The following SESTD1 variants were observed in gnomAD, a reference collection of about 807,000 sequenced individuals.
SESTD1 encodes SEC14 and spectrin domain containing 1.
A neutral mutation model predicts 101.7 loss-of-function variants in SESTD1; 43 were observed. The ratio of observed to expected loss-of-function variants is 0.42; its 90% CI spans 0.33 to 0.55. The LOEUF is 0.55. Among genes scored for constraint, SESTD1 ranks in the 20% least tolerant of loss-of-function variants. SESTD1 has a pLI of 0.07. For missense variants in SESTD1, 647 were observed against 815.1 expected, an observed-to-expected ratio of 0.79 and a Z score of 2.51; for synonymous variants, 283 against 286.8, an observed-to-expected ratio of 0.99 and a Z score of 0.13.
At chr2:179,245,255 G>A (rs147030877) in intron 1 of SESTD1, among the ~76,000 whole-genome samples, 1,907 of 152,110 alleles carry the variant, frequency 0.013, 14 homozygotes, top group Middle Eastern at 0.038. Flanking sequence ...GTTGGCTCAC[G>A]CCTGTAATCC....
At chr2:179,210,480 AC>A (rs1190547555) in intron 1 of SESTD1, among the ~76,000 whole-genome samples, 1 of 135,240 alleles carries the variant, frequency 7.4e-6, no homozygotes, top group Non-Finnish European at 1.6e-5. Context: ...AAGATAATAC[AC>A]CATGACCAAG....
rs1424940483 is a variant in SESTD1 at position 179,143,454 on chromosome 2, ATAATT to A, written c.849+133_849+137del. Reference sequence around the variant, plus strand: ...TCAAATACTATTTGTAAAACAATACATAATTTAAAAGTTTTAGAATCCAGTTTGAT... The same window carrying A: ...TCAAATACTATTTGTAAAACAATACATAAAAGTTTTAGAATCCAGTTTGAT... On this transcript the variant is annotated intron_variant, in intron 9 of 17. Transcript: ENST00000428443. 14 of 638,700 alleles carry A rather than the reference ATAATT, an allele frequency of 2.2e-5. No homozygotes were observed. The African/African-American group carries it at 2.2e-4, about 10-fold the overall frequency. The allele number at this position is 638,700 out of a possible 1,614,324, so 39.6% of individuals were successfully genotyped here. A position where few individuals can be genotyped will look rare whatever the true frequency, so the allele number is the denominator to read the frequency against.
chr2:179,123,105 G>T (rs771055090), intron 12 of SESTD1, among the ~76,000 whole-genome samples: 8 of 151,820 alleles, frequency 5.3e-5, no homozygotes, highest in Non-Finnish European at 8.8e-5. Context: ...CCTTCCCATT[G>T]TCACATCCTG....
At chr2:179,231,953 G>T (rs138686602) in intron 1 of SESTD1, among the ~76,000 whole-genome samples, 22 of 151,964 alleles carry the variant, frequency 1.4e-4, no homozygotes, top group Non-Finnish European at 2.5e-4. Context: ...TTAAAAAGCA[G>T]AAACTACAGG....
rs144465679 is a variant in SESTD1, at chr2:179,136,838, T to A, written c.850-4412A>T. Among the ~76,000 whole-genome samples, 117 of 152,036 alleles carry A rather than the reference T, an allele frequency of 7.7e-4. 1 individual carries two copies. Among genetic ancestry groups the A allele is most frequent in the African/African-American group, 2.7e-3 (114 of 41,520 alleles). ...TGTAAATTGAAAAATAAATCTTAAA[T>A]AAAGCAAAGATATCTCTTTGCCTCA... On this transcript the variant is annotated intron_variant, in intron 9 of 17. Coordinates refer to ENST00000428443, the MANE Select transcript of SESTD1 (RefSeq NM_178123.5).
chr2:179,103,464 G>T lies in SESTD1; in HGVS notation c.*6435C>A, dbSNP rs1325666619. The stretch of plus-strand genomic sequence containing the variant: ...TTACTGCAAAGAAATGAAAACCTAT[G>T]TTCACAAAGACTTACGTAAGAATGG... On this transcript the variant is annotated 3_prime_UTR_variant, in exon 18 of 18. Transcript: ENST00000428443. The T allele has an allele frequency of 6.6e-6, 1 of 152,038 alleles. No homozygotes were observed. The highest frequency in any genetic ancestry group is 1.5e-5 in the Non-Finnish European group (1 of 68,004). The allele number at this position is 152,038 out of a possible 1,614,324, so 9.4% of individuals were successfully genotyped here. A position where few individuals can be genotyped will look rare whatever the true frequency, so the allele number is the denominator to read the frequency against.
chr2:179,254,505 T>A (rs530721179), intron 1 of SESTD1, among the ~76,000 whole-genome samples: 2 of 152,310 alleles, frequency 1.3e-5, no homozygotes, highest in South Asian at 4.1e-4. Flanking sequence ...ATTCTGAATA[T>A]TCTGTCTACA....
At chr2:179,245,515 C>CA (rs59103658) in intron 1 of SESTD1, among the ~76,000 whole-genome samples, 615 of 45,086 alleles carry the variant, frequency 0.014, 69 homozygotes, top group African/African-American at 0.024. Flanking sequence ...GACTCTGTCT[C>CA]AAAAAAAAAA....
chr2:179,244,148 T>G (rs932223219), intron 1 of SESTD1, among the ~76,000 whole-genome samples: 4 of 151,388 alleles, frequency 2.6e-5, no homozygotes, highest in East Asian at 2.0e-4. Context: ...CTGAATGAAT[T>G]AATTAATTTT....
Position 179,108,850 on chromosome 2 carries a change from T to C in SESTD1, c.*1049A>G, listed in dbSNP as rs1474768609. ...CTAAAGGGGTCATACAGTTCTGTTA[T>C]TGGACTACTTCAGAATTTATTTTGC... On this transcript the variant is annotated 3_prime_UTR_variant, in exon 18 of 18. Coordinates refer to ENST00000428443, the MANE Select transcript of SESTD1 (RefSeq NM_178123.5). The C allele has an allele frequency of 6.6e-6, 1 of 152,124 alleles. No individual in the cohort carries two copies. Among genetic ancestry groups the C allele is most frequent in the Non-Finnish European group, 1.5e-5 (1 of 67,996 alleles). 9.4% of individuals were successfully genotyped at this position (152,124 alleles called of 1,614,324 possible).
intron 5 of SESTD1, among the ~76,000 whole-genome samples, chr2:179,163,770 A>AG (rs1400280925): frequency 3.9e-5 from 6 of 152,178 alleles, no homozygotes; most frequent in African/African-American, 1.4e-4. Flanking sequence ...TGTATTAACT[A>AG]GCACATATCA....
At chr2:179,156,759 C>A (rs1260785690) in intron 5 of SESTD1, among the ~76,000 whole-genome samples, 1 of 152,072 alleles carries the variant, frequency 6.6e-6, no homozygotes, top group African/African-American at 2.4e-5. Flanking sequence ...GATTTTCTCC[C>A]CCTCTGTAGG....
At chr2:179,125,876 A>G (rs2044862193) in intron 10 of SESTD1, among the ~76,000 whole-genome samples, 1 of 152,158 alleles carries the variant, frequency 6.6e-6, no homozygotes. Context: ...CCGTTCTTCT[A>G]CAGCCCTATG....
intron 8 of SESTD1, 59 bp downstream of exon 8, chr2:179,146,343 G>T: frequency 1.4e-6 from 2 of 1,428,768 alleles, no homozygotes; most frequent in Non-Finnish European, 2.0e-6. Flanking sequence ...TTTATTTAAT[G>T]AACGAATCAA....
chr2:179,166,995 C>T (rs1444080028), intron 5 of SESTD1, among the ~76,000 whole-genome samples: 2 of 152,088 alleles, frequency 1.3e-5, no homozygotes, highest in Non-Finnish European at 2.9e-5. Flanking sequence ...AGATGTCTAA[C>T]ATTCAATAAA....
intron 1 of SESTD1, among the ~76,000 whole-genome samples, chr2:179,193,398 G>A (rs1022222011): frequency 2.6e-5 from 4 of 152,050 alleles, no homozygotes; most frequent in Non-Finnish European, 5.9e-5. Flanking sequence ...GGAAGTAGAA[G>A]GAAAAAAGCT....
chr2:179,191,388 T>A (rs558147015), intron 2 of SESTD1, among the ~76,000 whole-genome samples: 1 of 152,092 alleles, frequency 6.6e-6, no homozygotes, highest in East Asian at 1.9e-4. Context: ...TGGGCACACA[T>A]GGACATAAAG....
chr2:179,217,965 C>T (rs544766266), intron 1 of SESTD1, among the ~76,000 whole-genome samples: 1 of 151,422 alleles, frequency 6.6e-6, no homozygotes, highest in Non-Finnish European at 1.5e-5. Flanking sequence ...GAACGTCACA[C>T]ACTGGGGCCT....
In SESTD1 at chr2:179,123,805, A is replaced by G. The variant is rs1199712976; in HGVS notation, c.1192T>C (p.Leu398=). 6.8e-6 allele frequency: 11 copies of G among 1,614,032 alleles called. No homozygotes were observed. Among genetic ancestry groups the G allele is most frequent in the African/African-American group, 1.3e-5 (1 of 75,048 alleles). Residue 398 remains leucine (L), a synonymous_variant, in exon 12 of 18, where the codon TTA becomes CTA. Transcript: ENST00000428443. ...QDLSQQLDGL[L]GMLCVDVAPA... Reference sequence around the variant, plus strand: ...GCTACATCTACGCACAACATCCCTAATAAGCCATCCAACTGCTGAGACAAC... The same window carrying G: ...GCTACATCTACGCACAACATCCCTAGTAAGCCATCCAACTGCTGAGACAAC...
Sources: gnomAD v4.1 joint callset for allele counts (sites outside exome capture counted in the v4.1 genomes callset) on GRCh38, gnomAD v4.1.1 for gene constraint, MANE v1.5 for transcripts, NCBI Gene and HGNC (gene_info 2026-07-23, HGNC 2026-07-21) for gene names.